Variants in TUNAR observed in about 807,000 individuals in gnomAD.
TUNAR encodes the protein transmembrane neural differentiation associated intracellular calcium regulator, also known as protein TUNAR.
At chr14:95,917,509 C>T (rs1889624774) in intron 2 of TUNAR, among the ~76,000 whole-genome samples, 1 of 152,148 alleles carries the variant, frequency 6.6e-6, no homozygotes, top group Non-Finnish European at 1.5e-5. Flanking sequence ...ACCTACTTGT[C>T]AAATATCACC....
At chr14:95,899,390 A>C (rs1013568601) in intron 2 of TUNAR, among the ~76,000 whole-genome samples, 23 of 152,148 alleles carry the variant, frequency 1.5e-4, no homozygotes, top group Admixed American at 7.2e-4. Flanking sequence ...TGAGATGGGG[A>C]CCACAGTGGA....
exon 3 of TUNAR, chr14:95,923,809 A>G (rs1889739192): frequency 6.6e-6 from 1 of 151,942 alleles, no homozygotes; most frequent in Non-Finnish European, 1.5e-5. Context: ...ATGTTTTAAG[A>G]TTGTCCATTG....
chr14:95,924,581 C>T (rs1375823234), exon 3 of TUNAR: 1 of 152,282 alleles, frequency 6.6e-6, no homozygotes, highest in Admixed American at 6.5e-5. Context: ...CTGAGGAGGC[C>T]TCACAATTAC....
intron 2 of TUNAR, among the ~76,000 whole-genome samples, chr14:95,913,717 C>T (rs1482646485): frequency 6.6e-6 from 1 of 152,096 alleles, no homozygotes; most frequent in African/African-American, 2.4e-5. Context: ...ACCTAGAGAC[C>T]TCTAAGTCCT....
intron 2 of TUNAR, among the ~76,000 whole-genome samples, chr14:95,888,440 G>T (rs551346897): frequency 6.6e-6 from 1 of 152,142 alleles, no homozygotes. Flanking sequence ...GCTCAGCTAG[G>T]TGGCCTTGCT....
chr14:95,880,901 C>G (rs1888968844), intron 2 of TUNAR, among the ~76,000 whole-genome samples: 1 of 152,218 alleles, frequency 6.6e-6, no homozygotes, highest in African/African-American at 2.4e-5. Flanking sequence ...GCAAAGTAGA[C>G]ATTGTGAACC....
At chr14:95,888,731 C>A (rs748365722) in intron 2 of TUNAR, among the ~76,000 whole-genome samples, 1 of 152,144 alleles carries the variant, frequency 6.6e-6, no homozygotes, top group African/African-American at 2.4e-5. Flanking sequence ...GGTGATCGAG[C>A]CTCAGAAGTC....
At chr14:95,914,174 T>A (rs1423638686) in intron 2 of TUNAR, among the ~76,000 whole-genome samples, 1 of 152,200 alleles carries the variant, frequency 6.6e-6, no homozygotes, top group Non-Finnish European at 1.5e-5. Flanking sequence ...GGTGAGTAAC[T>A]GTATGGAGAG....
intron 2 of TUNAR, among the ~76,000 whole-genome samples, chr14:95,877,797 G>A (rs1888914471): frequency 6.6e-6 from 1 of 152,200 alleles, no homozygotes; most frequent in Non-Finnish European, 1.5e-5. Context: ...GAAATAAATT[G>A]CCTGTAGCAA....
At chr14:95,897,253 C>A (rs1243973686) in intron 2 of TUNAR, among the ~76,000 whole-genome samples, 2 of 152,246 alleles carry the variant, frequency 1.3e-5, no homozygotes, top group African/African-American at 4.8e-5. Flanking sequence ...GAGCCCCAGT[C>A]ATGGACTTCC....
intron 2 of TUNAR, among the ~76,000 whole-genome samples, 198 bp downstream of exon 1, chr14:95,877,375 C>T (rs1418225617): frequency 2.6e-5 from 4 of 152,240 alleles, no homozygotes; most frequent in African/African-American, 9.6e-5. Context: ...CTTTCTTCTG[C>T]CTTCTGGAGA....
chr14:95,896,342 A>G (rs1442463223), intron 2 of TUNAR, among the ~76,000 whole-genome samples: 1 of 152,226 alleles, frequency 6.6e-6, no homozygotes, highest in African/African-American at 2.4e-5. Context: ...CCCCAGAAAT[A>G]GAGATTGGGC....
At chr14:95,921,357 A>G (rs57537964) in intron 2 of TUNAR, among the ~76,000 whole-genome samples, 3,876 of 152,244 alleles carry the variant, frequency 0.025, 161 homozygotes, top group African/African-American at 0.087. Flanking sequence ...GAAGAAATGT[A>G]GCTATGGGGC....
At chr14:95,925,180 T>C (rs1889767335) in exon 3 of TUNAR, 1 of 152,242 alleles carries the variant, frequency 6.6e-6, no homozygotes, top group Non-Finnish European at 1.5e-5. Context: ...CTCCACATTG[T>C]AGAAGAAGGA....
intron 2 of TUNAR, among the ~76,000 whole-genome samples, chr14:95,914,576 G>C (rs1889571988): frequency 1.3e-5 from 2 of 152,172 alleles, no homozygotes; most frequent in Admixed American, 6.5e-5. Flanking sequence ...ATCATGATTA[G>C]GAGTGGCTAT....
intron 2 of TUNAR, among the ~76,000 whole-genome samples, chr14:95,896,186 C>A (rs776408655): frequency 6.6e-6 from 1 of 152,224 alleles, no homozygotes; most frequent in African/African-American, 2.4e-5. Flanking sequence ...CACCTGCTGC[C>A]TTTCCTACCG....
intron 2 of TUNAR, among the ~76,000 whole-genome samples, chr14:95,878,146 G>A (rs1386196416): frequency 6.6e-6 from 1 of 152,214 alleles, no homozygotes; most frequent in African/African-American, 2.4e-5. Context: ...GCTCATATTT[G>A]CCAGCCCTCA....
chr14:95,886,888 C>T (rs1234869356), intron 2 of TUNAR, among the ~76,000 whole-genome samples: 1 of 152,196 alleles, frequency 6.6e-6, no homozygotes, highest in Non-Finnish European at 1.5e-5. Context: ...CCTTGTTCAT[C>T]TGTCTTCCCT....
chr14:95,917,147 G>T (rs1595126285), intron 2 of TUNAR, among the ~76,000 whole-genome samples: 1 of 152,072 alleles, frequency 6.6e-6, no homozygotes, highest in Non-Finnish European at 1.5e-5. Context: ...CTACCCCAAG[G>T]TCATACAGAT....
Sources: allele counts gnomAD v4.1 joint callset (sites outside exome capture counted in the v4.1 genomes callset), GRCh38; gene constraint gnomAD v4.1.1; transcripts MANE v1.5; gene names NCBI Gene and HGNC (gene_info 2026-07-23, HGNC 2026-07-21).